The following STX1B variants were observed in gnomAD, a reference collection of about 807,000 sequenced individuals.
STX1B encodes syntaxin 1B.
In STX1B, 7 loss-of-function variants were observed where a neutral mutation model predicts 39.4. The ratio of observed to expected loss-of-function variants is 0.18; its 90% CI spans 0.10 to 0.33. The LOEUF is 0.33. Among genes scored for constraint, STX1B ranks in the 10% least tolerant of loss-of-function variants. STX1B has a pLI of 1.00. For missense variants in STX1B, 198 were observed against 383.2 expected, an observed-to-expected ratio of 0.52 and a Z score of 4.04; for synonymous variants, 136 against 144.1, an observed-to-expected ratio of 0.94 and a Z score of 0.40.
intron 1 of STX1B, among the ~76,000 whole-genome samples, chr16:31,005,726 A>T (rs1596721836): frequency 6.6e-6 from 1 of 152,236 alleles, no homozygotes; most frequent in East Asian, 1.9e-4. Context: ...CACACAGCTG[A>T]TGGGATGACT....
chr16:31,008,814 G>A (rs1449801519), intron 1 of STX1B, among the ~76,000 whole-genome samples: 1 of 152,058 alleles, frequency 6.6e-6, no homozygotes. Context: ...TAACCTCTCT[G>A]AGCTTAGTGT....
Position 31,001,671 on chromosome 16 carries a change from C to A in STX1B, c.31-68G>T, listed in dbSNP as rs930747014. The A allele has an allele frequency of 3.6e-5, 43 of 1,207,466 alleles. No individual in the cohort carries two copies. Among genetic ancestry groups the A allele is most frequent in the Non-Finnish European group, 4.8e-5 (40 of 832,584 alleles). The allele number at this position is 1,207,466 out of a possible 1,614,324, so 74.8% of individuals were successfully genotyped here. On this transcript the variant is annotated intron_variant, in intron 1 of 9. Coordinates refer to ENST00000215095, the MANE Select transcript of STX1B (RefSeq NM_052874.5). The surrounding 1 kb of genome is among the most constrained non-coding windows in gnomAD (Gnocchi z 5.5). Reference sequence around the variant, plus strand: ...GGTCCCCAAGGCTGGCTCTCCAGCTCTCCCACCCTCTCCCTGCTATGCACA... The same window carrying A: ...GGTCCCCAAGGCTGGCTCTCCAGCTATCCCACCCTCTCCCTGCTATGCACA...
At chr16:31,009,618 A>G (rs998054489) in intron 1 of STX1B, among the ~76,000 whole-genome samples, 3 of 151,686 alleles carry the variant, frequency 2.0e-5, no homozygotes, top group Admixed American at 2.0e-4. Flanking sequence ...AAAACCAGGG[A>G]CTGCCTGGCC....
intron 5 of STX1B, 79 bp downstream of exon 5, chr16:30,997,423 C>CCCTCT: frequency 8.7e-7 from 1 of 1,152,946 alleles, no homozygotes; most frequent in Admixed American, 2.1e-5. Flanking sequence ...CGGTGCTTGG[C>CCCTCT]CCTGGCCCGC....
At chr16:31,009,815 G>A (rs2056672012) in intron 1 of STX1B, among the ~76,000 whole-genome samples, 1 of 151,836 alleles carries the variant, frequency 6.6e-6, no homozygotes, top group Non-Finnish European at 1.5e-5. Flanking sequence ...TCTCTCCGGA[G>A]GCCACCTCTT....
chr16:30,997,406 C>T, intron 5 of STX1B, 96 bp downstream of exon 5: 2 of 1,126,052 alleles, frequency 1.8e-6, no homozygotes, highest in Non-Finnish European at 2.6e-6. Context: ...CCTGACCACG[C>T]CCCCGCCGGT....
intron 1 of STX1B, among the ~76,000 whole-genome samples, chr16:31,007,513 A>G (rs1341121223): frequency 6.6e-6 from 1 of 152,104 alleles, no homozygotes; most frequent in Non-Finnish European, 1.5e-5. Flanking sequence ...ACCCTGGGAC[A>G]CCTATTTAGC....
Position 30,992,887 on chromosome 16 carries a change from G to A in STX1B, c.801C>T (p.Ile267=), listed in dbSNP as rs757079119. Residue 267 remains isoleucine (I), a synonymous_variant, in exon 10 of 10, where the codon ATC becomes ATT. Coordinates refer to ENST00000215095, the MANE Select transcript of STX1B (RefSeq NM_052874.5). ...CCCCCAGCACCACACAGCAAATGAT[G>A]ATCATGATTTTCTTCTGCAGCAGAA... ...QSKARRKKIM[I]IICCVVLGVV... The A allele has an allele frequency of 7.4e-6, 12 of 1,613,940 alleles. No homozygotes were observed. In the South Asian group the frequency reaches 1.3e-4, roughly 18 times the overall value.
chr16:31,002,510 CAT>C (rs1285156581), intron 1 of STX1B, among the ~76,000 whole-genome samples: 1 of 152,222 alleles, frequency 6.6e-6, no homozygotes, highest in Non-Finnish European at 1.5e-5. Context: ...GCCGCACTGA[CAT>C]GTGTGGACAC....
At position 30,997,536 on chromosome 16, in the gene STX1B, C is replaced by A. The variant is rs3186882; in HGVS notation, c.320G>T (p.Arg107Leu). The change falls in exon 5 of 10, where the codon CGT becomes CTT. Residue 107 changes from arginine to leucine, a missense_variant. Arg to Leu is a moderately radical substitution (Grantham distance 102, BLOSUM62 -2). Coordinates refer to ENST00000215095, the MANE Select transcript of STX1B (RefSeq NM_052874.5). ...QSIEQEEGLN[R>L]SSADLRIRKT... ...GCGGATGCGCAGGTCCGCGGAGGAA[C>A]GGTTCAGCCCCTCCTCCTGTTCAAT... is the stretch of plus-strand genomic sequence containing the variant. The A allele has an allele frequency of 6.2e-7, 1 of 1,610,420 alleles. No homozygotes were observed. The highest frequency in any genetic ancestry group is 1.7e-5 in the Admixed American group (1 of 59,508).
At position 30,991,495 on chromosome 16, in the gene STX1B, AGTGTGTGTGCACGCACGTGTGTGT is replaced by A. The variant is rs2056557643; in HGVS notation, c.*1302_*1325del. The A allele has an allele frequency of 8.9e-6, 1 of 112,606 alleles. No homozygotes were observed. Among genetic ancestry groups the A allele is most frequent in the Admixed American group, 1.0e-4 (1 of 9,924 alleles). The allele number at this position is 112,606 out of a possible 1,614,324, so 7.0% of individuals were successfully genotyped here. On this transcript the variant is annotated 3_prime_UTR_variant, in exon 10 of 10. Coordinates refer to ENST00000215095, the MANE Select transcript of STX1B (RefSeq NM_052874.5). Reference sequence around the variant, plus strand: ...AGCCAGATGGGGCCACGTCCTTAGAAGTGTGTGTGCACGCACGTGTGTGTGTGTGTGTGTAATACGCAGGGCAGA... The same window carrying A: ...AGCCAGATGGGGCCACGTCCTTAGAAGTGTGTGTGTAATACGCAGGGCAGA...
intron 1 of STX1B, among the ~76,000 whole-genome samples, chr16:31,002,295 G>A (rs2056634086): frequency 6.6e-6 from 1 of 151,760 alleles, no homozygotes; most frequent in Non-Finnish European, 1.5e-5. Flanking sequence ...TTTCCCAGTT[G>A]CAACCTGCAG....
intron 7 of STX1B, among the ~76,000 whole-genome samples, chr16:30,994,209 G>A (rs531396450): frequency 5.3e-5 from 8 of 150,566 alleles, no homozygotes; most frequent in Non-Finnish European, 1.0e-4. Context: ...GGAGAATGGC[G>A]TGAACCCGGG....
intron 4 of STX1B, among the ~76,000 whole-genome samples, chr16:30,998,500 G>A (rs563814082): frequency 9.8e-5 from 15 of 152,360 alleles, no homozygotes; most frequent in African/African-American, 3.4e-4. Context: ...GTCAGCCTTG[G>A]GGCTGGGGTC....
At chr16:30,996,048 G>A (rs370592373) in intron 7 of STX1B, among the ~76,000 whole-genome samples, 1 of 151,840 alleles carries the variant, frequency 6.6e-6, no homozygotes, top group Non-Finnish European at 1.5e-5. Flanking sequence ...AGTGGTGGGC[G>A]CCTGTAATCC....
chr16:31,003,901 G>A (rs2056644113), intron 1 of STX1B, among the ~76,000 whole-genome samples: 1 of 152,206 alleles, frequency 6.6e-6, no homozygotes. Context: ...CCATTTCACA[G>A]ATGAGGGAAC....
Position 30,992,813 on chromosome 16 carries a change from G to A in STX1B, c.*8C>T, listed in dbSNP as rs1359608746. The A allele has an allele frequency of 6.3e-7, 1 of 1,592,020 alleles. No individual in the cohort carries two copies. The highest frequency in any genetic ancestry group is 1.7e-5 in the Admixed American group (1 of 59,742). On this transcript the variant is annotated 3_prime_UTR_variant, in exon 10 of 10. Transcript: ENST00000215095. Reference sequence around the variant, plus strand: ...GAAGGGTCTGGGAGAGAGAAGGGTGGGGGGGGCCTACAAGCCCAGCGTCCC... The same window carrying A: ...GAAGGGTCTGGGAGAGAGAAGGGTGAGGGGGGCCTACAAGCCCAGCGTCCC...
intron 4 of STX1B, among the ~76,000 whole-genome samples, chr16:30,999,164 A>G (rs8057433): frequency 0.98 from 149,819 of 152,274 alleles, 73,765 homozygotes; most frequent in Middle Eastern, 1. Context: ...GGTGGAGGTT[A>G]GACTCTGTCT....
chr16:31,005,842 C>A (rs887007222), intron 1 of STX1B, among the ~76,000 whole-genome samples: 1 of 152,118 alleles, frequency 6.6e-6, no homozygotes, highest in African/African-American at 2.4e-5. Flanking sequence ...CACCTGGGGA[C>A]TGCGCACATC....
Sources: gnomAD v4.1 joint callset for allele counts (sites outside exome capture counted in the v4.1 genomes callset) on GRCh38, gnomAD v4.1.1 for gene constraint, Gnocchi (gnomAD v3.1) non-coding constraint, MANE v1.5 for transcripts, NCBI Gene and HGNC (gene_info 2026-07-23, HGNC 2026-07-21) for gene names.